Variants in EMSY observed in about 807,000 individuals in gnomAD.
The protein encoded by EMSY is EMSY transcriptional repressor, BRCA2 interacting.
A neutral mutation model predicts 134.6 loss-of-function variants in EMSY; 26 were observed. That is an observed-to-expected ratio of 0.19 (90% CI 0.14 to 0.27). The LOEUF (loss-of-function observed/expected upper bound fraction) is 0.27. Ranked by LOEUF, EMSY falls within the 10% of genes least tolerant of loss-of-function variation. The pLI is 1.00. For missense variants in EMSY, 1,305 were observed against 1,611.4 expected (o/e 0.81, Z 3.26); for synonymous variants, 579 against 577.8 (o/e 1.00, Z -0.03).
chr11:76,521,442 A>G (rs1346518468), intron 11 of EMSY, among the ~76,000 whole-genome samples: 2 of 152,142 alleles, frequency 1.3e-5, no homozygotes, highest in Non-Finnish European at 2.9e-5. Context: ...AGGGGCTTTC[A>G]TCTTGTTGAG....
chr11:76,473,348 C>G (rs1948648176), intron 8 of EMSY, among the ~76,000 whole-genome samples: 1 of 151,740 alleles, frequency 6.6e-6, no homozygotes. Context: ...GCTCTGTCAC[C>G]CAGGCTGGAG....
exon 19 of EMSY, chr11:76,544,684 G>T (rs1951575180): frequency 6.2e-7 from 1 of 1,614,120 alleles, no homozygotes; most frequent in Non-Finnish European, 8.5e-7. Flanking sequence ...CTGTAGTACA[G>T]GTGCTTGCAG....
intron 19 of EMSY, 117 bp from the exon 21 acceptor site, chr11:76,545,680 A>C: frequency 7.8e-7 from 1 of 1,274,624 alleles, no homozygotes; most frequent in Non-Finnish European, 1.1e-6. Context: ...GCAAGCTTCA[A>C]AACTGTCTTC....
intron 4 of EMSY, among the ~76,000 whole-genome samples, chr11:76,457,183 A>G (rs745594629): frequency 3.9e-5 from 6 of 152,118 alleles, no homozygotes; most frequent in Non-Finnish European, 7.4e-5. Context: ...GCCCACTAAC[A>G]AGGGCTTTAT....
At chr11:76,504,533 T>C (rs1020392553) in intron 9 of EMSY, among the ~76,000 whole-genome samples, 3 of 152,070 alleles carry the variant, frequency 2.0e-5, no homozygotes, top group Non-Finnish European at 4.4e-5. Context: ...GAATAACAAG[T>C]GTTGACATGG....
chr11:76,535,127 A>G (rs1013581716), intron 14 of EMSY, among the ~76,000 whole-genome samples: 6 of 152,174 alleles, frequency 3.9e-5, no homozygotes, highest in Admixed American at 1.3e-4. Flanking sequence ...ATTGGCCTTC[A>G]TAGTTTATAA....
exon 10 of EMSY, chr11:76,513,469 T>A (rs1950346129): frequency 6.2e-7 from 1 of 1,613,596 alleles, no homozygotes; most frequent in Admixed American, 1.7e-5. Flanking sequence ...CAGTAGCAAT[T>A]CCCCTATTAT....
chr11:76,491,945 G>C (rs1949441744), intron 8 of EMSY, among the ~76,000 whole-genome samples: 1 of 152,198 alleles, frequency 6.6e-6, no homozygotes. Flanking sequence ...AGACCTTGTA[G>C]TTGTTAACAC....
chr11:76,487,700 T>C (rs1386661851), intron 8 of EMSY, among the ~76,000 whole-genome samples: 2 of 152,264 alleles, frequency 1.3e-5, no homozygotes, highest in African/African-American at 4.8e-5. Context: ...TTAAAATATT[T>C]TATAAAGTTT....
chr11:76,546,246 G>T, exon 20 of EMSY: 3 of 1,613,930 alleles, frequency 1.9e-6, no homozygotes, highest in Non-Finnish European at 2.5e-6. Flanking sequence ...TGCGTATTCA[G>T]AATGTAGGCC....
chr11:76,487,749 A>G lies in EMSY; in HGVS notation c.1109-8466A>G, dbSNP rs1324807250. Among the ~76,000 whole-genome samples the G allele has an allele frequency of 4.6e-5, 7 of 152,350 alleles. No homozygotes were observed. In the South Asian group the frequency reaches 1.2e-3, roughly 27 times the overall value. On this transcript the variant is annotated intron_variant, in intron 8 of 20. Coordinates refer to ENST00000334736, the Ensembl canonical transcript of EMSY. ...GTATAAGGTTTATGTGAAACAAATG[A>G]ATTTCATGTTTCGACTTGGGTCACA...
At chr11:76,528,585 C>CTTTTTTTTTTTTTTTTTTTTTTTTTTTT in intron 14 of EMSY, 119 bp downstream of exon 15, 1 of 391,284 alleles carries the variant, frequency 2.6e-6, no homozygotes, top group Non-Finnish European at 4.3e-6. Flanking sequence ...AATTCTTTTC[C>CTTTTTTTTTTTTTTTTTTTTTTTTTTTT]TTTTTTTTTT....
intron 19 of EMSY, 47 bp from the exon 21 acceptor site, chr11:76,545,750 C>T (rs1161112727): frequency 1.3e-6 from 2 of 1,536,554 alleles, no homozygotes; most frequent in Non-Finnish European, 1.8e-6. Flanking sequence ...ATTAGATTTT[C>T]TCAAAGAGAT....
intron 7 of EMSY, among the ~76,000 whole-genome samples, chr11:76,468,822 C>T (rs921075741): frequency 1.3e-5 from 2 of 152,020 alleles, no homozygotes; most frequent in Non-Finnish European, 2.9e-5. Context: ...CCTTCATGTG[C>T]TTGATTGATA....
At chr11:76,532,232 G>C (rs753621301) in intron 14 of EMSY, among the ~76,000 whole-genome samples, 4 of 152,270 alleles carry the variant, frequency 2.6e-5, no homozygotes, top group Non-Finnish European at 5.9e-5. Context: ...TTAGGACTGA[G>C]AAGGTACTCA....
intron 8 of EMSY, among the ~76,000 whole-genome samples, chr11:76,492,720 A>C (rs1949471299): frequency 6.6e-6 from 1 of 152,134 alleles, no homozygotes; most frequent in African/African-American, 2.4e-5. Context: ...TTGGCAGGGC[A>C]GGAGCCCCGC....
chr11:76,542,325 C>T, exon 18 of EMSY: 1 of 1,614,086 alleles, frequency 6.2e-7, no homozygotes. Context: ...TGAAGTCCAT[C>T]CCAGCATCTT....
At chr11:76,521,024 A>G (rs1001265719) in intron 11 of EMSY, among the ~76,000 whole-genome samples, 1 of 152,164 alleles carries the variant, frequency 6.6e-6, no homozygotes, top group African/African-American at 2.4e-5. Context: ...TTGTATGCTC[A>G]AAGACCAATG....
At chr11:76,545,902 A>C (rs746180787) in exon 20 of EMSY, 1 of 1,614,218 alleles carries the variant, frequency 6.2e-7, no homozygotes, top group Non-Finnish European at 8.5e-7. Flanking sequence ...TTCTGTGCCT[A>C]AGCTGACATC....
Sources: gnomAD v4.1 joint callset for allele counts (sites outside exome capture counted in the v4.1 genomes callset) on GRCh38, gnomAD v4.1.1 for gene constraint, MANE v1.5 for transcripts, NCBI Gene and HGNC (gene_info 2026-07-23, HGNC 2026-07-21) for gene names.